Variants in SLCO4C1 observed in about 807,000 individuals in gnomAD.
SLCO4C1 encodes organic anion transporter M1.
A neutral mutation model predicts 72.1 loss-of-function variants in SLCO4C1; 58 were observed. The ratio of observed to expected loss-of-function variants is 0.80; its 90% CI spans 0.65 to 1.00. The LOEUF is 1.00. SLCO4C1 is among the 50% of genes least tolerant of loss of function. The pLI, the probability that SLCO4C1 is intolerant of heterozygous loss-of-function variation, is 0.00. For synonymous variants in SLCO4C1, 297 were observed against 312.5 expected (o/e 0.95, Z 0.52); for missense variants, 898 against 857.9 (o/e 1.05, Z -0.58).
Position 102,249,501 on chromosome 5 carries a change from T to C in SLCO4C1, c.1620+137A>G, listed in dbSNP as rs189527114. On this transcript the variant is annotated intron_variant, in intron 9 of 12. Coordinates refer to ENST00000310954, the MANE Select transcript of SLCO4C1 (RefSeq NM_180991.5). The stretch of plus-strand genomic sequence containing the variant: ...TGAAGGAAAAAGAATCTATTTCAGC[T>C]GGAGACATCATGGGCTGCTTAACGG... 4.4e-5 allele frequency: 35 copies of C among 801,112 alleles called. 2 individuals carry two copies. The African/African-American group carries it at 5.6e-4, about 13-fold the overall frequency. The allele number at this position is 801,112 out of a possible 1,614,324, so 49.6% of individuals were successfully genotyped here.
At chr5:102,289,447 G>T (rs887774969) in intron 2 of SLCO4C1, among the ~76,000 whole-genome samples, 4 of 152,202 alleles carry the variant, frequency 2.6e-5, no homozygotes, top group African/African-American at 9.7e-5. Context: ...TTCGAGCAAG[G>T]TTTGTTTACT....
intron 3 of SLCO4C1, among the ~76,000 whole-genome samples, chr5:102,265,350 T>C (rs1440753896): frequency 1.3e-5 from 2 of 152,136 alleles, no homozygotes; most frequent in East Asian, 3.9e-4. Context: ...AATTTTGTTT[T>C]CGTTGCCTAT....
chr5:102,284,499 G>A (rs187689549), intron 2 of SLCO4C1, among the ~76,000 whole-genome samples: 1 of 152,284 alleles, frequency 6.6e-6, no homozygotes, highest in East Asian at 1.9e-4. Context: ...AGTAAGGGGC[G>A]AAAGCAGGAT....
chr5:102,270,176 A>G (rs1749122910), intron 3 of SLCO4C1, among the ~76,000 whole-genome samples: 1 of 152,148 alleles, frequency 6.6e-6, no homozygotes, highest in Non-Finnish European at 1.5e-5. Context: ...GGAATTTAAG[A>G]GAAACTTATG....
chr5:102,280,090 C>CAAAAAAAAA (rs36217271), intron 2 of SLCO4C1, among the ~76,000 whole-genome samples: 77 of 68,848 alleles, frequency 1.1e-3, no homozygotes, highest in Admixed American at 1.4e-3. Context: ...TGCAATAAGG[C>CAAAAAAAAA]AAAAAAAAAA....
chr5:102,247,029 C>T (rs1748647451), intron 10 of SLCO4C1, among the ~76,000 whole-genome samples: 2 of 152,096 alleles, frequency 1.3e-5, no homozygotes, highest in African/African-American at 4.8e-5. Context: ...CAAGCACAAG[C>T]CAGGCAGGCA....
Position 102,243,439 on chromosome 5 carries a change from T to G in SLCO4C1, c.1812-2657A>C, listed in dbSNP as rs528215785. On this transcript the variant is annotated intron_variant, in intron 10 of 12. Coordinates refer to ENST00000310954, the MANE Select transcript of SLCO4C1 (RefSeq NM_180991.5). ...CAGGTACGACCCAGTGCAATCACAG[T>G]GGTGGTGGCCACAGAGGTGTTTGCA... Among the ~76,000 whole-genome samples, 7 of 152,322 alleles carry G rather than the reference T, an allele frequency of 4.6e-5. No individual in the cohort carries two copies. The East Asian group carries it at 5.8e-4, about 13-fold the overall frequency.
At position 102,234,207 on chromosome 5, in the gene SLCO4C1, T is replaced by C. The variant is rs1216591831; in HGVS notation, c.*2651A>G. ...AAATTTTAACACATATATCCAATTATGTACACAATTACAATGTCAATTTAT... is the reference window on the plus strand; with the variant it reads ...AAATTTTAACACATATATCCAATTACGTACACAATTACAATGTCAATTTAT... On this transcript the variant is annotated 3_prime_UTR_variant, in exon 13 of 13. Transcript: ENST00000310954. 1 of 152,612 alleles carries C rather than the reference T, an allele frequency of 6.6e-6. No homozygotes were observed. Among genetic ancestry groups the C allele is most frequent in the African/African-American group, 2.4e-5 (1 of 41,458 alleles). The allele number at this position is 152,612 out of a possible 1,614,324, so 9.5% of individuals were successfully genotyped here. A position where few individuals can be genotyped will look rare whatever the true frequency, so the allele number is the denominator to read the frequency against.
chr5:102,263,364 A>G (rs1309572496), intron 4 of SLCO4C1, among the ~76,000 whole-genome samples: 1 of 152,102 alleles, frequency 6.6e-6, no homozygotes, highest in East Asian at 1.9e-4. Flanking sequence ...TCTATGGAAA[A>G]TACTGCTAAT....
intron 1 of SLCO4C1, among the ~76,000 whole-genome samples, chr5:102,293,685 T>C (rs749239431): frequency 5.9e-5 from 9 of 152,218 alleles, no homozygotes; most frequent in Non-Finnish European, 1.3e-4. Context: ...TTTTCAGGCA[T>C]TCAAACTTAA....
intron 9 of SLCO4C1, 38 bp downstream of exon 9, chr5:102,249,600 A>G (rs368802931): frequency 4.0e-5 from 65 of 1,609,608 alleles, no homozygotes; most frequent in Non-Finnish European, 5.0e-5. Flanking sequence ...CCACAAACAT[A>G]TTGCCTCATT....
At chr5:102,284,355 C>T (rs1368470703) in intron 2 of SLCO4C1, among the ~76,000 whole-genome samples, 1 of 152,122 alleles carries the variant, frequency 6.6e-6, no homozygotes, top group East Asian at 1.9e-4. Context: ...ATATCACATG[C>T]TGTTCTAGGT....
intron 10 of SLCO4C1, among the ~76,000 whole-genome samples, chr5:102,242,939 C>A (rs1409951581): frequency 6.6e-6 from 1 of 152,164 alleles, no homozygotes; most frequent in Non-Finnish European, 1.5e-5. Flanking sequence ...TTTGACATTT[C>A]TGGACCTGTC....
intron 12 of SLCO4C1, 133 bp from the exon 13 acceptor site, chr5:102,237,151 A>C (rs1254006002): frequency 2.1e-6 from 2 of 959,114 alleles, no homozygotes; most frequent in Non-Finnish European, 2.9e-6. Context: ...TATGTTTAAA[A>C]TTTTTGAAAC....
At chr5:102,254,566 A>G (rs1216024264) in intron 8 of SLCO4C1, among the ~76,000 whole-genome samples, 1 of 152,136 alleles carries the variant, frequency 6.6e-6, no homozygotes, top group African/African-American at 2.4e-5. Flanking sequence ...AGAAGCTGCC[A>G]CAACTACCCC....
chr5:102,259,416 T>C (rs1368044434), intron 6 of SLCO4C1, among the ~76,000 whole-genome samples: 1 of 152,082 alleles, frequency 6.6e-6, no homozygotes. Context: ...GTAGTTGCAA[T>C]TAAAGCATGA....
intron 3 of SLCO4C1, among the ~76,000 whole-genome samples, chr5:102,269,100 C>T (rs910497553): frequency 3.9e-5 from 6 of 152,006 alleles, no homozygotes; most frequent in Non-Finnish European, 7.4e-5. Flanking sequence ...TTAGAATTAT[C>T]TTTGTCTTTG....
At chr5:102,282,090 G>A (rs1749367747) in intron 2 of SLCO4C1, among the ~76,000 whole-genome samples, 1 of 151,880 alleles carries the variant, frequency 6.6e-6, no homozygotes. Context: ...CAGAACAATT[G>A]ATATGTACAA....
At chr5:102,288,064 G>A (rs889416706) in intron 2 of SLCO4C1, among the ~76,000 whole-genome samples, 10 of 152,118 alleles carry the variant, frequency 6.6e-5, no homozygotes, top group Admixed American at 6.5e-4. Flanking sequence ...CAATGGGAGA[G>A]TAACTAATAT....
Sources: gnomAD v4.1 joint callset for allele counts (sites outside exome capture counted in the v4.1 genomes callset) on GRCh38, gnomAD v4.1.1 for gene constraint, MANE v1.5 for transcripts, NCBI Gene and HGNC (gene_info 2026-07-23, HGNC 2026-07-21) for gene names.